CACNA1E: variants seen among roughly 807,000 people sequenced by gnomAD.
CACNA1E encodes calcium voltage-gated channel subunit alpha1 E.
CACNA1E carries 40 observed loss-of-function variants against 259.2 expected under a neutral mutation model. The ratio of observed to expected loss-of-function variants is 0.15; its 90% CI spans 0.12 to 0.20. CACNA1E has a LOEUF of 0.20. Ranked by LOEUF, CACNA1E falls within the 10% of genes least tolerant of loss-of-function variation. CACNA1E has a pLI of 1.00. For synonymous variants in CACNA1E, 1,104 were observed against 1,138.5 expected (o/e 0.97, Z 0.61); for missense variants, 1,874 against 3,040.1 (o/e 0.62, Z 9.02).
intron 34 of CACNA1E, 115 bp downstream of exon 34, chr1:181,763,646 CG>C (rs1163375897): frequency 4.2e-6 from 3 of 714,474 alleles, no homozygotes; most frequent in Non-Finnish European, 6.2e-6. Flanking sequence ...GCTAGTAGAA[CG>C]GGTGTTTGTT....
At position 181,628,237 on chromosome 1, in the gene CACNA1E, G is replaced by A. The variant is rs930392853; in HGVS notation, c.952-23101G>A. 5.3e-5 allele frequency among the ~76,000 whole-genome samples: 8 copies of A among 152,232 alleles called. 1 individual carries two copies. In the South Asian group the frequency reaches 6.2e-4, roughly 12 times the overall value. On this transcript the variant is annotated intron_variant, in intron 6 of 47. Transcript: ENST00000367573. ...CAGAACTTTCCATTTTCTTAGATTC[G>A]TCAGCAAACTCACACTCAGGGACCT...
intron 25 of CACNA1E, among the ~76,000 whole-genome samples, chr1:181,746,883 A>G (rs903495637): frequency 2.0e-5 from 3 of 152,170 alleles, no homozygotes; most frequent in Non-Finnish European, 4.4e-5. Context: ...TCCCAGCACT[A>G]TTATTAACCG....
chr1:181,623,600 AG>A (rs1456895443), intron 6 of CACNA1E, among the ~76,000 whole-genome samples: 3 of 152,392 alleles, frequency 2.0e-5, no homozygotes, highest in African/African-American at 7.2e-5. Context: ...GTTTGATTTC[AG>A]ACCACTGCAA....
intron 1 of CACNA1E, among the ~76,000 whole-genome samples, chr1:181,372,465 T>A (rs1446016881): frequency 6.6e-6 from 1 of 152,210 alleles, no homozygotes; most frequent in Non-Finnish European, 1.5e-5. Context: ...GAAACTTTAC[T>A]GAAATTGTTT....
At chr1:181,583,942 A>G (rs1429582675) in intron 6 of CACNA1E, among the ~76,000 whole-genome samples, 5 of 152,102 alleles carry the variant, frequency 3.3e-5, no homozygotes, top group Non-Finnish European at 7.4e-5. Flanking sequence ...TCGTAACCTG[A>G]TAAGTATGTC....
At position 181,596,557 on chromosome 1, in the gene CACNA1E, C is replaced by CGTGTGTGTGTGTGTGTGTGTGT. The variant is rs60302499; in HGVS notation, c.951+15800_951+15821dup. ...AGAGTAGTCTTCCACCCACCATGTA[C>CGTGTGTGTGTGTGTGTGTGTGT]GTGTGTGTGTGTGTGTGTGTGTGTG... On this transcript the variant is annotated intron_variant, in intron 6 of 47. Transcript: ENST00000367573. Among the ~76,000 whole-genome samples, 8 of 140,596 alleles carry CGTGTGTGTGTGTGTGTGTGTGT rather than the reference C, an allele frequency of 5.7e-5. No homozygotes were observed. In the East Asian group the frequency reaches 9.2e-4, roughly 16 times the overall value. 92.2% of individuals were successfully genotyped at this position (140,596 alleles called of 152,430 possible). A position where few individuals can be genotyped will look rare whatever the true frequency, so the allele number is the denominator to read the frequency against.
chr1:181,793,976 CT>C (rs1435199849), intron 45 of CACNA1E, among the ~76,000 whole-genome samples, 183 bp downstream of exon 45: 21 of 152,214 alleles, frequency 1.4e-4, no homozygotes, highest in East Asian at 1.9e-4. Flanking sequence ...ATGACCCCCC[CT>C]AACCACAACA....
rs113119746 is a variant in CACNA1E at position 181,390,329 on chromosome 1, A to ATTTATTTG, written c.-14-22801_-14-22800insATTTGTTT. ...TATTTATTTATTTATTTATTTATTT[A>ATTTATTTG]TTTGTTTTTTATGAGAAGTTAGGAA... On this transcript the variant is annotated intron_variant, in intron 1 of 11. Coordinates refer to the CACNA1E transcript ENST00000524607. Among the ~76,000 whole-genome samples the ATTTATTTG allele has an allele frequency of 4.3e-3, 647 of 151,446 alleles. 7 individuals are homozygous for ATTTATTTG. Among genetic ancestry groups the ATTTATTTG allele is most frequent in the East Asian group, 0.042 (219 of 5,154 alleles).
intron 3 of CACNA1E, among the ~76,000 whole-genome samples, chr1:181,518,357 C>G (rs1445374243): frequency 2.0e-5 from 3 of 152,202 alleles, no homozygotes. Flanking sequence ...CACCTCCTCC[C>G]TGGCTTTTTG....
At chr1:181,351,438 G>A (rs1008203578) in intron 1 of CACNA1E, among the ~76,000 whole-genome samples, 1 of 152,198 alleles carries the variant, frequency 6.6e-6, no homozygotes, top group Non-Finnish European at 1.5e-5. Flanking sequence ...TTGGTTTTCC[G>A]GTATGGAGAT....
chr1:181,684,216 G>A (rs546119857), intron 7 of CACNA1E, among the ~76,000 whole-genome samples: 9 of 152,006 alleles, frequency 5.9e-5, no homozygotes, highest in East Asian at 1.9e-4. Context: ...TTTGATTTGC[G>A]TTTCTCTAAT....
At position 181,593,950 on chromosome 1, in the gene CACNA1E, T is replaced by C. The variant is rs150037113; in HGVS notation, c.951+13174T>C. ...GAGAGTCTATACCAGAATAGCATAA[T>C]GGAAAAATAATGGCAATGTAGTTTT... On this transcript the variant is annotated intron_variant, in intron 6 of 47. Coordinates refer to ENST00000367573, the MANE Select transcript of CACNA1E (RefSeq NM_001205293.3). Among the ~76,000 whole-genome samples, 271 of 152,338 alleles carry C rather than the reference T, an allele frequency of 1.8e-3. 1 individual carries two copies. The highest frequency in any genetic ancestry group is 6.2e-3 in the African/African-American group (258 of 41,588).
intron 2 of CACNA1E, among the ~76,000 whole-genome samples, chr1:181,450,047 C>G (rs1661052550): frequency 6.6e-6 from 1 of 152,086 alleles, no homozygotes; most frequent in South Asian, 2.1e-4. Context: ...CTGGGGAGGT[C>G]TCAGGAAACT....
chr1:181,518,938 G>A (rs1366482494), intron 3 of CACNA1E, among the ~76,000 whole-genome samples: 3 of 152,192 alleles, frequency 2.0e-5, no homozygotes, highest in Non-Finnish European at 2.9e-5. Context: ...AAATCCCTGG[G>A]TGGTTTGGTT....
intron 6 of CACNA1E, among the ~76,000 whole-genome samples, chr1:181,594,668 G>A (rs892371027): frequency 6.6e-6 from 1 of 152,172 alleles, no homozygotes; most frequent in African/African-American, 2.4e-5. Flanking sequence ...AAAGTGCTGG[G>A]ATTACAGACA....
At chr1:181,387,147 C>T (rs1390030035) in intron 1 of CACNA1E, among the ~76,000 whole-genome samples, 1 of 151,972 alleles carries the variant, frequency 6.6e-6, no homozygotes, top group Non-Finnish European at 1.5e-5. Flanking sequence ...CTCTGGGAGC[C>T]CTTCCAGAGT....
rs1326202335 is a variant in CACNA1E at position 181,618,018 on chromosome 1, C to G, written c.952-33320C>G. On this transcript the variant is annotated intron_variant, in intron 6 of 47. Transcript: ENST00000367573. ...TCCAAAGTTGATATGGCTTTTTCCC[C>G]CTGCCTTGCTTCAGAGGCCCAAAGA... 4.6e-5 allele frequency among the ~76,000 whole-genome samples: 7 copies of G among 152,110 alleles called. No homozygotes were observed. In the East Asian group the frequency reaches 1.3e-3, roughly 29 times the overall value.
chr1:181,792,863 C>A (rs1661450121), intron 44 of CACNA1E, among the ~76,000 whole-genome samples: 1 of 152,198 alleles, frequency 6.6e-6, no homozygotes, highest in Non-Finnish European at 1.5e-5. Context: ...ATGACAGAAC[C>A]TTAGAGATTT....
intron 27 of CACNA1E, among the ~76,000 whole-genome samples, chr1:181,754,284 G>T (rs969019175): frequency 2.0e-5 from 3 of 150,158 alleles, no homozygotes; most frequent in Non-Finnish European, 3.0e-5. Flanking sequence ...TGAGAGAGAC[G>T]TAGGTGGCTC....
Sources: allele counts gnomAD v4.1 joint callset (sites outside exome capture counted in the v4.1 genomes callset), GRCh38; gene constraint gnomAD v4.1.1; transcripts MANE v1.5; gene names NCBI Gene and HGNC (gene_info 2026-07-23, HGNC 2026-07-21).